Variants in SLC35D2 observed in about 807,000 individuals in gnomAD.
The protein encoded by SLC35D2 is nucleotide sugar transporter SLC35D2.
Under a neutral mutation model 41.8 loss-of-function variants are expected in SLC35D2, and 43 were observed. That is an observed-to-expected ratio of 1.03 (90% CI 0.81 to 1.33). The LOEUF (loss-of-function observed/expected upper bound fraction) is 1.33, where lower values mean the gene tolerates loss of function less well. SLC35D2 is among the 40% of genes most tolerant of loss of function. The pLI is 0.00. For synonymous variants in SLC35D2, 150 were observed against 163.9 expected (o/e 0.92, Z 0.65); for missense variants, 380 against 408.4 (o/e 0.93, Z 0.60).
rs1409748653 is a variant in SLC35D2, at chr9:96,358,076, T to TA, written c.347+2077dup. Among the ~76,000 whole-genome samples, 162 of 87,726 alleles carry TA rather than the reference T, an allele frequency of 1.8e-3. 3 individuals carry two copies. The highest frequency in any genetic ancestry group is 8.5e-3 in the African/African-American group (135 of 15,798). The allele number at this position is 87,726 out of a possible 152,430, so 57.6% of individuals were successfully genotyped here. ...ATAAATGGATAAACAAAATATTATA[T>TA]ATTTTATATATATATATATATATAT... On this transcript the variant is annotated intron_variant, in intron 4 of 11. Coordinates refer to ENST00000253270, the MANE Select transcript of SLC35D2 (RefSeq NM_007001.3).
intron 4 of SLC35D2, among the ~76,000 whole-genome samples, chr9:96,356,368 T>C (rs1269741182): frequency 1.3e-5 from 2 of 150,620 alleles, no homozygotes; most frequent in African/African-American, 4.9e-5. Context: ...GAATCTTAGC[T>C]GGCTTTATTT....
intron 4 of SLC35D2, among the ~76,000 whole-genome samples, chr9:96,358,294 A>C (rs1366270565): frequency 6.6e-6 from 1 of 151,826 alleles, no homozygotes; most frequent in Admixed American, 6.6e-5. Flanking sequence ...CGTAAAATGT[A>C]AACTATAAAA....
At chr9:96,335,564 T>A (rs957884130) in intron 9 of SLC35D2, among the ~76,000 whole-genome samples, 1 of 152,144 alleles carries the variant, frequency 6.6e-6, no homozygotes, top group African/African-American at 2.4e-5. Flanking sequence ...TATGCCATGT[T>A]GGCCAGGCTG....
downstream of SLC35D2, among the ~76,000 whole-genome samples, chr9:96,319,896 G>C (rs2130819515): frequency 6.6e-6 from 1 of 152,342 alleles, no homozygotes; most frequent in Admixed American, 6.5e-5. Flanking sequence ...AGGATTTAGA[G>C]ATCTAGTTGA....
At chr9:96,326,505 G>GA (rs140970823) in intron 9 of SLC35D2, among the ~76,000 whole-genome samples, 12,986 of 152,160 alleles carry the variant, frequency 0.085, 626 homozygotes, top group East Asian at 0.23. Context: ...TAAGGCTTAA[G>GA]AAAAAATCTA....
At chr9:96,341,947 A>ATAT (rs58568693) in intron 8 of SLC35D2, among the ~76,000 whole-genome samples, 3 of 151,046 alleles carry the variant, frequency 2.0e-5, no homozygotes, top group African/African-American at 7.3e-5. Flanking sequence ...GGAAAAAAAA[A>ATAT]ATATATATAT....
At chr9:96,326,675 TG>T (rs1564086372) in intron 9 of SLC35D2, among the ~76,000 whole-genome samples, 1 of 151,682 alleles carries the variant, frequency 6.6e-6, no homozygotes, top group African/African-American at 2.4e-5. Context: ...CATGGTGGCA[TG>T]CGCCTGTAAT....
At chr9:96,346,357 C>G (rs1564103747) in intron 6 of SLC35D2, among the ~76,000 whole-genome samples, 2 of 151,770 alleles carry the variant, frequency 1.3e-5, no homozygotes, top group East Asian at 3.9e-4. Flanking sequence ...TAGAAAGTAA[C>G]TAGGAAACCT....
chr9:96,358,695 C>A (rs746710841), intron 4 of SLC35D2, among the ~76,000 whole-genome samples: 3 of 152,046 alleles, frequency 2.0e-5, no homozygotes, highest in Non-Finnish European at 4.4e-5. Context: ...TTGTTCTTAT[C>A]GAAAAAGTTT....
intron 6 of SLC35D2, among the ~76,000 whole-genome samples, chr9:96,347,534 C>T (rs917973488): frequency 1.3e-5 from 2 of 152,120 alleles, no homozygotes; most frequent in Non-Finnish European, 2.9e-5. Flanking sequence ...CCACCATGCC[C>T]GGCTAATTTT....
At chr9:96,316,737 G>A (rs554954217), downstream of SLC35D2, among the ~76,000 whole-genome samples, 8 of 151,644 alleles carry the variant, frequency 5.3e-5, no homozygotes, top group South Asian at 1.7e-3. Flanking sequence ...TGTGCCTGAG[G>A]GCACAAAAAA....
intron 11 of SLC35D2, 31 bp downstream of exon 11, chr9:96,321,967 C>T (rs1275148608): frequency 1.6e-6 from 2 of 1,282,134 alleles, no homozygotes; most frequent in Admixed American, 3.5e-5. Flanking sequence ...CTTGTCTTCC[C>T]AAAGCGAGTC....
At chr9:96,354,684 C>T (rs1215556779) in intron 4 of SLC35D2, among the ~76,000 whole-genome samples, 2 of 133,286 alleles carry the variant, frequency 1.5e-5, no homozygotes, top group Admixed American at 1.8e-4. Flanking sequence ...AGGACAATTG[C>T]TTGAACCTAG....
At chr9:96,365,040 CAAAAAAAAA>C (rs59249417) in intron 2 of SLC35D2, among the ~76,000 whole-genome samples, 1 of 49,388 alleles carries the variant, frequency 2.0e-5, no homozygotes, top group Non-Finnish European at 4.1e-5. Context: ...ACCACTGTCT[CAAAAAAAAA>C]AAAAAAAAAA....
chr9:96,323,669 G>A (rs1828363420), intron 10 of SLC35D2, among the ~76,000 whole-genome samples: 1 of 152,134 alleles, frequency 6.6e-6, no homozygotes, highest in South Asian at 2.1e-4. Flanking sequence ...GCTCACGCCT[G>A]TAATCCCAGC....
chr9:96,346,254 G>C (rs894732514), intron 6 of SLC35D2, among the ~76,000 whole-genome samples: 2 of 152,194 alleles, frequency 1.3e-5, no homozygotes, highest in South Asian at 2.1e-4. Context: ...CAGAAAAGAA[G>C]TGAAACTCAA....
In SLC35D2 at chr9:96,322,081, C is replaced by G. The variant is rs2130826545; in HGVS notation, c.832-1G>C. The G allele has an allele frequency of 6.3e-7, 1 of 1,576,204 alleles. No homozygotes were observed. The highest frequency in any genetic ancestry group is 2.2e-5 in the East Asian group (1 of 44,698). Reference sequence around the variant, plus strand: ...TCCCAATGTAGGCAACGGATACATTCTGCAGAAAAAGAGAGAGGATTCGTC... The same window carrying G: ...TCCCAATGTAGGCAACGGATACATTGTGCAGAAAAAGAGAGAGGATTCGTC... On this transcript the variant is annotated splice_acceptor_variant, in intron 10 of 11. Coordinates refer to ENST00000253270, the MANE Select transcript of SLC35D2 (RefSeq NM_007001.3). LOFTEE classifies it high-confidence loss of function.
intron 1 of SLC35D2, among the ~76,000 whole-genome samples, chr9:96,378,550 A>C (rs1370875158): frequency 6.6e-6 from 1 of 152,226 alleles, no homozygotes; most frequent in Non-Finnish European, 1.5e-5. Flanking sequence ...TATTTTTATT[A>C]AGCATCATTA....
intron 9 of SLC35D2, among the ~76,000 whole-genome samples, chr9:96,332,228 G>A (rs1279828092): frequency 6.6e-6 from 1 of 152,198 alleles, no homozygotes; most frequent in African/African-American, 2.4e-5. Flanking sequence ...CTCGCCTCGA[G>A]TCTGGAGTTG....
Sources: gnomAD v4.1 joint callset for allele counts (sites outside exome capture counted in the v4.1 genomes callset) on GRCh38, gnomAD v4.1.1 for gene constraint, MANE v1.5 for transcripts, NCBI Gene and HGNC (gene_info 2026-07-23, HGNC 2026-07-21) for gene names.